Variants in NFATC3 observed in about 807,000 individuals in gnomAD.
NFATC3 encodes nuclear factor of activated T cells 3, also known as nuclear factor of activated T-cells, cytoplasmic 3.
NFATC3 carries 46 observed loss-of-function variants against 98.6 expected under a neutral mutation model. That is an observed-to-expected ratio of 0.47 (90% CI 0.37 to 0.60). NFATC3 has a LOEUF of 0.60. Ranked by LOEUF, NFATC3 falls within the 20% of genes least tolerant of loss-of-function variation. The pLI, the probability that NFATC3 is intolerant of heterozygous loss-of-function variation, is 0.00. For missense variants in NFATC3, 1,256 were observed against 1,295.5 expected, an observed-to-expected ratio of 0.97 and a Z score of 0.47; for synonymous variants, 512 against 472.2, an observed-to-expected ratio of 1.08 and a Z score of -1.09.
intron 4 of NFATC3, among the ~76,000 whole-genome samples, chr16:68,162,349 A>C (rs1441106633): frequency 6.6e-6 from 1 of 152,212 alleles, no homozygotes; most frequent in African/African-American, 2.4e-5. Context: ...TAGCTTGTTG[A>C]ATGTAACTAT....
At chr16:68,215,732 T>TTTTTTTTTTTG in intron 9 of NFATC3, among the ~76,000 whole-genome samples, 1 of 143,374 alleles carries the variant, frequency 7.0e-6, no homozygotes, top group Non-Finnish European at 1.5e-5. Flanking sequence ...CTTTTTTTTT[T>TTTTTTTTTTTG]TTTTTTTTTT....
intron 9 of NFATC3, among the ~76,000 whole-genome samples, chr16:68,203,061 A>T (rs1351180468): frequency 6.6e-6 from 1 of 152,148 alleles, no homozygotes; most frequent in Non-Finnish European, 1.5e-5. Context: ...AGAAGCTGAA[A>T]GGTCTTGTAA....
At chr16:68,223,622 C>T (rs527601532) in intron 9 of NFATC3, among the ~76,000 whole-genome samples, 1 of 152,186 alleles carries the variant, frequency 6.6e-6, no homozygotes, top group East Asian at 1.9e-4. Flanking sequence ...AAACACCAGG[C>T]GTGGTGGCTC....
rs188007794 is a variant in NFATC3 at position 68,212,381 on chromosome 16, G to A, written c.3107-13969G>A. On this transcript the variant is annotated intron_variant, in intron 9 of 9. Transcript: ENST00000346183. ...AGGAAGGTATTAGTTAGTGTTCATA[G>A]AGACTACATGCAGATTTTTCCCTTC... is the stretch of plus-strand genomic sequence containing the variant. The A allele has an allele frequency of 1.6e-4, 25 of 152,260 alleles. 1 individual carries two copies. Among genetic ancestry groups the A allele is most frequent in the Admixed American group, 1.6e-3 (25 of 15,288 alleles). The allele number at this position is 152,260 out of a possible 1,614,324, so 9.4% of individuals were successfully genotyped here.
chr16:68,187,309 T>C (rs1191929810), intron 8 of NFATC3, among the ~76,000 whole-genome samples: 2 of 152,180 alleles, frequency 1.3e-5, no homozygotes, highest in Admixed American at 1.3e-4. Context: ...CTCAGAGAGC[T>C]CCTAGGTCTG....
chr16:68,097,908 G>C (rs918815408), intron 1 of NFATC3, among the ~76,000 whole-genome samples: 1 of 152,050 alleles, frequency 6.6e-6, no homozygotes, highest in African/African-American at 2.4e-5. Context: ...CCAGACAACC[G>C]CTGAACTCAC....
At chr16:68,218,157 G>A in intron 9 of NFATC3, 1 of 478,590 alleles carries the variant, frequency 2.1e-6, no homozygotes, top group Non-Finnish European at 2.7e-6. Context: ...GAACTCCCTG[G>A]GCTCAAGTGA....
intron 9 of NFATC3, among the ~76,000 whole-genome samples, chr16:68,193,942 G>A (rs1188309045): frequency 2.0e-5 from 3 of 152,102 alleles, no homozygotes; most frequent in African/African-American, 4.8e-5. Context: ...GGGGATGGGG[G>A]TGATTGGTAT....
Position 68,214,211 on chromosome 16 carries a change from G to A in NFATC3, c.3107-12139G>A, listed in dbSNP as rs552536988. The A allele has an allele frequency of 1.3e-5, 9 of 681,566 alleles. No homozygotes were observed. The African/African-American group carries it at 1.4e-4, about 11-fold the overall frequency. 42.2% of individuals were successfully genotyped at this position (681,566 alleles called of 1,614,324 possible). A position where few individuals can be genotyped will look rare whatever the true frequency, so the allele number is the denominator to read the frequency against. On this transcript the variant is annotated intron_variant, in intron 9 of 9. Coordinates refer to ENST00000346183, the MANE Select transcript of NFATC3 (RefSeq NM_173165.3). ...AGCCATTTTATGCAGTGATTGACAAGTAAAAGACAGTTAAATTCCTTTTGA... is the reference window on the plus strand; with the variant it reads ...AGCCATTTTATGCAGTGATTGACAAATAAAAGACAGTTAAATTCCTTTTGA...
chr16:68,124,196 A>G (rs1300867930), intron 2 of NFATC3, among the ~76,000 whole-genome samples: 1 of 151,952 alleles, frequency 6.6e-6, no homozygotes, highest in Non-Finnish European at 1.5e-5. Flanking sequence ...CGACCTCCCA[A>G]GCTCAAGCAA....
At chr16:68,211,756 A>G (rs1273797293) in intron 9 of NFATC3, among the ~76,000 whole-genome samples, 1 of 147,278 alleles carries the variant, frequency 6.8e-6, no homozygotes. Flanking sequence ...TCCTGACCTC[A>G]GGTGATCTAC....
chr16:68,113,775 T>C (rs2036111992), intron 1 of NFATC3, among the ~76,000 whole-genome samples: 1 of 152,226 alleles, frequency 6.6e-6, no homozygotes, highest in African/African-American at 2.4e-5. Context: ...TGGCTAGAGT[T>C]ACTGCAGTTC....
At chr16:68,181,562 T>C in intron 7 of NFATC3, 32 bp downstream of exon 7, 1 of 1,403,478 alleles carries the variant, frequency 7.1e-7, no homozygotes, top group Non-Finnish European at 1.0e-6. Flanking sequence ...TTAAGAAATA[T>C]TTAAGACACT....
At chr16:68,177,892 A>G (rs538462831) in intron 6 of NFATC3, among the ~76,000 whole-genome samples, 157 of 152,236 alleles carry the variant, frequency 1.0e-3, no homozygotes, top group Middle Eastern at 6.8e-3. Context: ...GCTACTCTTT[A>G]ATCTTTTGTC....
At chr16:68,123,648 C>T (rs2036667250) in intron 2 of NFATC3, among the ~76,000 whole-genome samples, 1 of 150,570 alleles carries the variant, frequency 6.6e-6, no homozygotes, top group Admixed American at 6.6e-5. Context: ...CCTGTTTCTA[C>T]CAAAAAAAAA....
intron 1 of NFATC3, among the ~76,000 whole-genome samples, chr16:68,117,320 G>A (rs577872013): frequency 6.6e-6 from 1 of 152,244 alleles, no homozygotes; most frequent in Admixed American, 6.5e-5. Flanking sequence ...CCTAATTGAG[G>A]ATTTTGCTCC....
At chr16:68,112,606 C>G (rs1361446404) in intron 1 of NFATC3, among the ~76,000 whole-genome samples, 3 of 139,740 alleles carry the variant, frequency 2.1e-5, no homozygotes, top group African/African-American at 8.0e-5. Flanking sequence ...TCCCATAGTT[C>G]TTGGAGGTTT....
chr16:68,226,218 G>A, intron 9 of NFATC3, 132 bp from the exon 10 acceptor site: 2 of 1,071,022 alleles, frequency 1.9e-6, no homozygotes, highest in East Asian at 2.9e-5. Flanking sequence ...CTCAGGAGCA[G>A]GCTTCAGACA....
intron 4 of NFATC3, among the ~76,000 whole-genome samples, chr16:68,165,087 T>C (rs770540397): frequency 1.3e-5 from 2 of 152,162 alleles, no homozygotes; most frequent in African/African-American, 4.8e-5. Context: ...ATGCCTTTGC[T>C]CAGTACTTAA....
Sources: allele counts gnomAD v4.1 joint callset (sites outside exome capture counted in the v4.1 genomes callset), GRCh38; gene constraint gnomAD v4.1.1; transcripts MANE v1.5; gene names NCBI Gene and HGNC (gene_info 2026-07-23, HGNC 2026-07-21).